The following LRP5 variants were observed in gnomAD, a reference collection of about 807,000 sequenced individuals.
The protein encoded by LRP5 is low-density lipoprotein receptor-related protein 5.
LRP5 carries 62 observed loss-of-function variants against 154.1 expected under a neutral mutation model. That is an observed-to-expected ratio of 0.40 (90% CI 0.33 to 0.50). The LOEUF (loss-of-function observed/expected upper bound fraction) is 0.50. LRP5 is among the 20% of genes least tolerant of loss of function. LRP5 has a pLI of 0.55. For missense variants in LRP5, 1,915 were observed against 2,336.7 expected (o/e 0.82, Z 3.72); for synonymous variants, 966 against 1,011.5 (o/e 0.96, Z 0.85).
At chr11:68,362,835 T>C (rs1305258827) in intron 3 of LRP5, among the ~76,000 whole-genome samples, 1 of 152,190 alleles carries the variant, frequency 6.6e-6, no homozygotes, top group Non-Finnish European at 1.5e-5. Context: ...ACTTCATGAG[T>C]GTCACCCTCT....
chr11:68,384,354 C>G (rs1334021223), intron 5 of LRP5, among the ~76,000 whole-genome samples: 4 of 152,158 alleles, frequency 2.6e-5, no homozygotes, highest in Non-Finnish European at 4.4e-5. Flanking sequence ...GCCAGGGCAT[C>G]AGGGAGGCTC....
At chr11:68,331,743 CTG>C (rs60278908) in intron 1 of LRP5, among the ~76,000 whole-genome samples, 13,319 of 148,082 alleles carry the variant, frequency 0.09, 994 homozygotes, top group African/African-American at 0.22. Flanking sequence ...TTCCTCTGGG[CTG>C]TGTGTGTGTG....
chr11:68,306,419 A>AG, the LRP5 span, among the ~76,000 whole-genome samples: 1 of 152,186 alleles, frequency 6.6e-6, no homozygotes. Flanking sequence ...TACAGGCTTG[A>AG]GCCACTGTGC....
chr11:68,422,096 G>C (rs1327992323), intron 13 of LRP5, among the ~76,000 whole-genome samples: 1 of 151,550 alleles, frequency 6.6e-6, no homozygotes, highest in Non-Finnish European at 1.5e-5. Flanking sequence ...CTGAGCTATT[G>C]TTTTTTTTGT....
At chr11:68,400,104 C>T (rs1233319360) in intron 7 of LRP5, among the ~76,000 whole-genome samples, 4 of 152,082 alleles carry the variant, frequency 2.6e-5, no homozygotes, top group South Asian at 2.1e-4. Flanking sequence ...CAGGCCCTGC[C>T]GGCCCAGAGC....
chr11:68,438,966 G>C (rs2098676603), intron 20 of LRP5, among the ~76,000 whole-genome samples: 1 of 152,158 alleles, frequency 6.6e-6, no homozygotes, highest in African/African-American at 2.4e-5. Context: ...GTGCTGTGTT[G>C]TCCACAAATC....
intron 3 of LRP5, among the ~76,000 whole-genome samples, chr11:68,359,833 C>T (rs534956160): frequency 7.3e-5 from 11 of 150,506 alleles, no homozygotes; most frequent in Admixed American, 6.0e-4. Flanking sequence ...GTCCCCCTGG[C>T]TGGAGTGCAG....
chr11:68,393,186 G>T (rs1480177756), intron 7 of LRP5, among the ~76,000 whole-genome samples: 1 of 151,932 alleles, frequency 6.6e-6, no homozygotes, highest in Middle Eastern at 3.2e-3. Context: ...ACATCCCATT[G>T]TATGGCCACA....
intron 13 of LRP5, among the ~76,000 whole-genome samples, chr11:68,420,298 A>ATACCAGTC (rs1313049301): frequency 6.6e-6 from 1 of 152,208 alleles, no homozygotes; most frequent in South Asian, 2.1e-4. Flanking sequence ...AAGTGGAATT[A>ATACCAGTC]TACCAATATT....
At chr11:68,305,061 G>A in the LRP5 span, among the ~76,000 whole-genome samples, 1 of 151,942 alleles carries the variant, frequency 6.6e-6, no homozygotes, top group Non-Finnish European at 1.5e-5. Context: ...GATCTGGGGG[G>A]CCAGGGGTGG....
chr11:68,390,913 T>G (rs376494806), intron 7 of LRP5, among the ~76,000 whole-genome samples: 1 of 152,396 alleles, frequency 6.6e-6, no homozygotes, highest in East Asian at 1.9e-4. Flanking sequence ...TGGCAGCTTT[T>G]TGCTCACCTG....
chr11:68,414,939 C>T (rs1195101608), intron 12 of LRP5, among the ~76,000 whole-genome samples: 5 of 152,174 alleles, frequency 3.3e-5, no homozygotes, highest in African/African-American at 4.8e-5. Flanking sequence ...GGGCCATGAC[C>T]TTAGAGAGCC....
chr11:68,328,967 G>A (rs982952756), intron 1 of LRP5, among the ~76,000 whole-genome samples: 1 of 152,192 alleles, frequency 6.6e-6, no homozygotes, highest in African/African-American at 2.4e-5. Context: ...GACTGCGTGG[G>A]TGGGGTACCT....
At chr11:68,444,576 C>CA (rs1476724073) in intron 21 of LRP5, among the ~76,000 whole-genome samples, 2 of 121,782 alleles carry the variant, frequency 1.6e-5, no homozygotes, top group Non-Finnish European at 3.4e-5. Context: ...CCCCACCCCC[C>CA]ACCCCCCACC....
At position 68,363,953 on chromosome 11, in the gene LRP5, G is replaced by T. The variant is rs763345367; in HGVS notation, c.883+10G>T. ...GAGCGGCAGCCTTTCTGTGAGTGCC[G>T]GCTGGGGCGCGGGGGCGAGGGTGCG... On this transcript the variant is annotated intron_variant, in intron 4 of 22. Coordinates refer to ENST00000294304, the MANE Select transcript of LRP5 (RefSeq NM_002335.4). 2.5e-6 allele frequency: 4 copies of T among 1,603,354 alleles called. No individual in the cohort carries two copies. The highest frequency in any genetic ancestry group is 2.7e-5 in the African/African-American group (2 of 73,924).
chr11:68,357,639 C>T lies in LRP5; in HGVS notation c.489-11C>T. 6.2e-7 allele frequency: 1 copy of T among 1,613,022 alleles called. No individual in the cohort carries two copies. The highest frequency in any genetic ancestry group is 8.5e-7 in the Non-Finnish European group (1 of 1,179,446). The stretch of plus-strand genomic sequence containing the variant: ...GTGTTAGCTGCTTCTCTTGCCCTGC[C>T]CCCGTCACAGGTACATGTACTGGAC... On this transcript the variant is annotated splice_polypyrimidine_tract_variant and intron_variant, in intron 2 of 22. Coordinates refer to ENST00000294304, the MANE Select transcript of LRP5 (RefSeq NM_002335.4).
At chr11:68,342,292 C>CT (rs1393268429) in intron 1 of LRP5, among the ~76,000 whole-genome samples, 1 of 152,162 alleles carries the variant, frequency 6.6e-6, no homozygotes, top group East Asian at 1.9e-4. Flanking sequence ...GTTCTCCCCT[C>CT]TCCCCACCAA....
chr11:68,346,761 C>G (rs1284527867), intron 1 of LRP5, among the ~76,000 whole-genome samples: 1 of 152,232 alleles, frequency 6.6e-6, no homozygotes, highest in Non-Finnish European at 1.5e-5. Flanking sequence ...GCCCTGCTGA[C>G]AGCAGACACG....
At chr11:68,312,912 C>A (rs1316606874) in intron 1 of LRP5, 107 bp downstream of exon 1, 6 of 572,912 alleles carry the variant, frequency 1.0e-5, no homozygotes, top group Non-Finnish European at 1.3e-5. Context: ...AGCGACTTGG[C>A]GAGTTGGGAG....
Sources: allele counts gnomAD v4.1 joint callset (sites outside exome capture counted in the v4.1 genomes callset), GRCh38; gene constraint gnomAD v4.1.1; transcripts MANE v1.5; gene names NCBI Gene and HGNC (gene_info 2026-07-23, HGNC 2026-07-21).